Variants in RASAL2 observed in about 807,000 individuals in gnomAD.
RASAL2 encodes RAS protein activator like 2.
RASAL2 carries 58 observed loss-of-function variants against 128.9 expected under a neutral mutation model. That is an observed-to-expected ratio of 0.45 (90% CI 0.36 to 0.56). The LOEUF is 0.56. Ranked by LOEUF, RASAL2 falls within the 20% of genes least tolerant of loss-of-function variation. The pLI, the probability that RASAL2 is intolerant of heterozygous loss-of-function variation, is 0.00. For missense variants in RASAL2, 1,360 were observed against 1,601.6 expected (o/e 0.85, Z 2.57); for synonymous variants, 561 against 580.8 (o/e 0.97, Z 0.49).
intron 1 of RASAL2, among the ~76,000 whole-genome samples, chr1:178,183,116 C>T (rs914185904): frequency 6.6e-6 from 1 of 152,170 alleles, no homozygotes. Context: ...GGACTGGTAC[C>T]AGTTAGGGAC....
chr1:178,390,191 A>G lies in RASAL2; in HGVS notation c.549A>G (p.Ser183=). 1.2e-6 allele frequency: 2 copies of G among 1,606,276 alleles called. No homozygotes were observed. The highest frequency in any genetic ancestry group is 1.7e-6 in the Non-Finnish European group (2 of 1,174,224). Residue 183 remains serine (S), a synonymous_variant, in exon 4 of 18, where the codon TCA becomes TCG. Transcript: ENST00000367649. ...KPNSMDTANT[S]PFKVPGFFSK... ...ACTCCATGGACACTGCAAATACCTC[A>G]CCCTTCAAAGTACCAGTAAGTGTTT...
At chr1:178,358,237 TAAAA>T (rs71567191) in intron 3 of RASAL2, among the ~76,000 whole-genome samples, 21 of 34,766 alleles carry the variant, frequency 6.0e-4, no homozygotes, top group South Asian at 1.8e-3. Flanking sequence ...CTCTGTCTCC[TAAAA>T]AAAAAAAAAA....
chr1:178,398,486 G>C (rs955203510), intron 4 of RASAL2, among the ~76,000 whole-genome samples: 1 of 151,896 alleles, frequency 6.6e-6, no homozygotes, highest in African/African-American at 2.4e-5. Context: ...TTGTTTAGTG[G>C]GATAATGCTG....
chr1:178,443,890 T>C (rs1398244152), intron 8 of RASAL2, among the ~76,000 whole-genome samples: 2 of 152,174 alleles, frequency 1.3e-5, no homozygotes, highest in African/African-American at 2.4e-5. Flanking sequence ...GTTACCGTTA[T>C]ACTGTATGCA....
chr1:178,463,792 C>T lies in RASAL2; in HGVS notation c.3253-486C>T, dbSNP rs556560089. On this transcript the variant is annotated intron_variant, in intron 14 of 17. Transcript: ENST00000367649. Reference sequence around the variant, plus strand: ...TGCCATTCTGATATATAAATGGGCACTTTGTGAGTTTGTTTAGCACTAATC... The same window carrying T: ...TGCCATTCTGATATATAAATGGGCATTTTGTGAGTTTGTTTAGCACTAATC... 8.5e-5 allele frequency among the ~76,000 whole-genome samples: 13 copies of T among 152,252 alleles called. No individual in the cohort carries two copies. The East Asian group carries it at 2.1e-3, about 25-fold the overall frequency.
chr1:178,159,836 C>T (rs1045109518), intron 1 of RASAL2, among the ~76,000 whole-genome samples: 8 of 151,816 alleles, frequency 5.3e-5, no homozygotes, highest in Non-Finnish European at 5.9e-5. Flanking sequence ...AATCCAGAGG[C>T]GGAGGTTGCA....
At position 178,386,608 on chromosome 1, in the gene RASAL2, TTGC is replaced by T. The variant is rs1297168214; in HGVS notation, c.458-3491_458-3489del. On this transcript the variant is annotated intron_variant, in intron 3 of 17. Coordinates refer to ENST00000367649, the MANE Select transcript of RASAL2 (RefSeq NM_170692.4). ...TTAACCAGGCTTTTTATAACTCTTTTTGCCTTTCAATCTGAAGATGAAAAATAT... is the reference window on the plus strand; with the variant it reads ...TTAACCAGGCTTTTTATAACTCTTTTCTTTCAATCTGAAGATGAAAAATAT... Among the ~76,000 whole-genome samples, 611 of 152,332 alleles carry T rather than the reference TTGC, an allele frequency of 4.0e-3. 2 individuals are homozygous for T. The highest frequency in any genetic ancestry group is 0.013 in the African/African-American group (523 of 41,562).
rs1041372594 is a variant in RASAL2, at chr1:178,236,834, G to A, written c.203-46730G>A. On this transcript the variant is annotated intron_variant, in intron 1 of 17. Coordinates refer to ENST00000367649, the MANE Select transcript of RASAL2 (RefSeq NM_170692.4). ...GCTGGAGGCCAGTGGTGCGATCTCG[G>A]CTCACTGCAACCTCCGCCTCCCGGG... Among the ~76,000 whole-genome samples the A allele has an allele frequency of 1.1e-4, 16 of 149,104 alleles. 2 individuals carry two copies. Among genetic ancestry groups the A allele is most frequent in the Admixed American group, 1.0e-3 (15 of 14,854 alleles).
chr1:178,236,980 T>A (rs1664279412), intron 1 of RASAL2, among the ~76,000 whole-genome samples: 1 of 152,022 alleles, frequency 6.6e-6, no homozygotes, highest in Non-Finnish European at 1.5e-5. Context: ...GTCAGGCTGG[T>A]CTCGAACTTC....
At chr1:178,244,332 T>C (rs1664665555) in intron 1 of RASAL2, among the ~76,000 whole-genome samples, 1 of 152,140 alleles carries the variant, frequency 6.6e-6, no homozygotes, top group African/African-American at 2.4e-5. Flanking sequence ...AACCTCTGCC[T>C]CTCGGGTTCA....
intron 1 of RASAL2, among the ~76,000 whole-genome samples, chr1:178,227,303 A>G (rs916767622): frequency 1.3e-5 from 2 of 152,042 alleles, no homozygotes; most frequent in African/African-American, 2.4e-5. Flanking sequence ...TAAGTTTCTG[A>G]ATGTTATTCC....
intron 1 of RASAL2, among the ~76,000 whole-genome samples, chr1:178,174,752 C>G (rs1341959980): frequency 2.6e-5 from 4 of 152,108 alleles, no homozygotes; most frequent in Non-Finnish European, 4.4e-5. Context: ...ATGCACGAAC[C>G]CTTTGACTTT....
intron 1 of RASAL2, among the ~76,000 whole-genome samples, chr1:178,162,660 T>C (rs1661369652): frequency 6.7e-6 from 1 of 149,278 alleles, no homozygotes; most frequent in South Asian, 2.1e-4. Flanking sequence ...CGATCTCAGC[T>C]CACCACAACC....
intron 4 of RASAL2, chr1:178,411,722 G>A (rs796158455): frequency 2.7e-5 from 22 of 803,928 alleles, no homozygotes; most frequent in African/African-American, 8.4e-5. Flanking sequence ...ACCATCTGCC[G>A]TGTGACTGGT....
At chr1:178,106,106 C>G (rs1659077667) in intron 1 of RASAL2, among the ~76,000 whole-genome samples, 1 of 152,176 alleles carries the variant, frequency 6.6e-6, no homozygotes, top group African/African-American at 2.4e-5. Flanking sequence ...CTCTGTTGCT[C>G]TGAGGGATAC....
intron 1 of RASAL2, among the ~76,000 whole-genome samples, chr1:178,150,264 G>C (rs1404012585): frequency 6.6e-6 from 1 of 151,884 alleles, no homozygotes; most frequent in Non-Finnish European, 1.5e-5. Context: ...GCATGATCTC[G>C]GTGCACCGCA....
At chr1:178,380,292 G>A (rs1396556299) in intron 3 of RASAL2, among the ~76,000 whole-genome samples, 1 of 151,926 alleles carries the variant, frequency 6.6e-6, no homozygotes, top group Non-Finnish European at 1.5e-5. Flanking sequence ...CAATTTTTCT[G>A]TGATAGCCAT....
chr1:178,402,372 C>A (rs1308245700), intron 4 of RASAL2, among the ~76,000 whole-genome samples: 2 of 151,502 alleles, frequency 1.3e-5, no homozygotes, highest in African/African-American at 4.9e-5. Flanking sequence ...CCACTGCACT[C>A]CAGCCTGGGC....
intron 3 of RASAL2, among the ~76,000 whole-genome samples, chr1:178,333,851 G>A (rs996773181): frequency 1.2e-4 from 19 of 152,120 alleles, no homozygotes; most frequent in African/African-American, 4.6e-4. Context: ...TTCATTAGTA[G>A]TAATTTATTT....
Sources: allele counts gnomAD v4.1 joint callset (sites outside exome capture counted in the v4.1 genomes callset), GRCh38; gene constraint gnomAD v4.1.1; transcripts MANE v1.5; gene names NCBI Gene and HGNC (gene_info 2026-07-23, HGNC 2026-07-21).